The following PDE9A variants were observed in gnomAD, a reference collection of about 807,000 sequenced individuals.
PDE9A encodes the protein phosphodiesterase 9A.
A neutral mutation model predicts 87.4 loss-of-function variants in PDE9A; 60 were observed. That is an observed-to-expected ratio of 0.69 (90% CI 0.56 to 0.85). The LOEUF (loss-of-function observed/expected upper bound fraction) is 0.85, where lower values mean the gene tolerates loss of function less well. Ranked by LOEUF, PDE9A falls within the 40% of genes least tolerant of loss-of-function variation. The pLI is 0.00. For missense variants in PDE9A, 665 were observed against 779.0 expected (o/e 0.85, Z 1.74); for synonymous variants, 272 against 279.4 (o/e 0.97, Z 0.27).
At chr21:42,734,972 G>A (rs1049117801) in intron 7 of PDE9A, among the ~76,000 whole-genome samples, 1 of 152,190 alleles carries the variant, frequency 6.6e-6, no homozygotes, top group Non-Finnish European at 1.5e-5. Flanking sequence ...CACTCCATGA[G>A]GATTCCTTGA....
chr21:42,672,829 G>T (rs1271786427), intron 1 of PDE9A, among the ~76,000 whole-genome samples: 1 of 152,210 alleles, frequency 6.6e-6, no homozygotes, highest in Non-Finnish European at 1.5e-5. Context: ...TCAATGCGGG[G>T]CTCCGTAGGT....
intron 10 of PDE9A, chr21:42,757,832 C>T (rs2055241031): frequency 6.6e-6 from 1 of 152,260 alleles, no homozygotes; most frequent in Non-Finnish European, 1.5e-5. Context: ...GGACCAAGGC[C>T]TCACCCTGAC....
intron 6 of PDE9A, 89 bp from the exon 7 acceptor site, chr21:42,733,267 C>A: frequency 1.3e-6 from 1 of 766,186 alleles, no homozygotes; most frequent in Non-Finnish European, 2.3e-6. Flanking sequence ...ATGCCCACAG[C>A]AGGGACTCAG....
rs1431133422 is a variant in PDE9A, at chr21:42,769,406, CGGCACACACA to C, written c.1590+261_1590+270del. 5.0e-3 allele frequency among the ~76,000 whole-genome samples: 721 copies of C among 145,366 alleles called. 6 individuals are homozygous for C. Among genetic ancestry groups the C allele is most frequent in the African/African-American group, 0.018 (699 of 39,048 alleles). On this transcript the variant is annotated intron_variant, in intron 17 of 19. Transcript: ENST00000291539. ...ACACAGGCACACAAATGCACACACA[CGGCACACACA>C]GGCACACACTCGTGCACACACATGT...
rs1048947062 is a variant in PDE9A, at chr21:42,702,161, CT to C, written c.262+3157del. On this transcript the variant is annotated intron_variant, in intron 4 of 19. Transcript: ENST00000291539. The surrounding 1 kb of genome is among the most constrained non-coding windows in gnomAD (Gnocchi z 4.9). Reference sequence around the variant, plus strand: ...TCACACTGTTTCTTTCTTTCCAGACCTTTTTTTCTGTTTGCTTTATTTTTCT... The same window carrying C: ...TCACACTGTTTCTTTCTTTCCAGACCTTTTTTCTGTTTGCTTTATTTTTCT... 6.6e-6 allele frequency among the ~76,000 whole-genome samples: 1 copy of C among 151,944 alleles called. No individual in the cohort carries two copies. The highest frequency in any genetic ancestry group is 2.4e-5 in the African/African-American group (1 of 41,390).
At chr21:42,768,396 C>T (rs754115133) in intron 16 of PDE9A, 104 bp downstream of exon 16, 100 of 1,005,378 alleles carry the variant, frequency 9.9e-5, no homozygotes, top group African/African-American at 3.1e-4. Flanking sequence ...GCATATTCCC[C>T]GGGCTGCCGA....
intron 17 of PDE9A, among the ~76,000 whole-genome samples, chr21:42,769,410 A>G (rs374217201): frequency 6.1e-5 from 3 of 48,982 alleles, no homozygotes; most frequent in South Asian, 8.8e-4. Flanking sequence ...CACACACGGC[A>G]CACACAGGCA....
Position 42,696,763 on chromosome 21 carries a change from T to C in PDE9A, c.219-2205T>C, listed in dbSNP as rs1464264282. On this transcript the variant is annotated intron_variant, in intron 3 of 19. Transcript: ENST00000291539. This position sits in a 1 kb window ranked among gnomAD's most constrained non-coding sequence, Gnocchi z 5.1. ...CCTGGCCTCTTCACGCCTTGGGCTC[T>C]GGGTCTGTAAGGCAGTGAGGCTGAG... is the stretch of plus-strand genomic sequence containing the variant. Among the ~76,000 whole-genome samples, 1 of 152,164 alleles carries C rather than the reference T, an allele frequency of 6.6e-6. No individual in the cohort carries two copies. Among genetic ancestry groups the C allele is most frequent in the Non-Finnish European group, 1.5e-5 (1 of 68,012 alleles).
intron 9 of PDE9A, among the ~76,000 whole-genome samples, chr21:42,752,163 C>T (rs866879107): frequency 4.6e-5 from 7 of 152,304 alleles, no homozygotes; most frequent in Middle Eastern, 3.4e-3. Context: ...GATGGCAGAG[C>T]CTTCCACAGC....
At position 42,773,755 on chromosome 21, in the gene PDE9A, C is replaced by T. The variant is rs868238698; in HGVS notation, c.1768+1235C>T. ...GGCGGAGATTGCCGTGAGCCAAGAT[C>T]GCGCCACTGCACTCCAGCCTGGGCA... On this transcript the variant is annotated intron_variant, in intron 19 of 19. Transcript: ENST00000291539. Among the ~76,000 whole-genome samples, 34 of 143,488 alleles carry T rather than the reference C, an allele frequency of 2.4e-4. 1 individual carries two copies. The highest frequency in any genetic ancestry group is 7.3e-4 in the African/African-American group (30 of 41,000). The allele number at this position is 143,488 out of a possible 152,430, so 94.1% of individuals were successfully genotyped here.
Position 42,758,874 on chromosome 21 carries a change from G to C in PDE9A, c.811-125G>C, listed in dbSNP as rs547199399. On this transcript the variant is annotated intron_variant, in intron 10 of 19. Coordinates refer to ENST00000291539, the MANE Select transcript of PDE9A (RefSeq NM_002606.3). ...TTTGCTCTCCAGGGACTTTCTGGGA[G>C]GGGGAGAACCCACCTCCTGCCAACG... 1.7e-5 allele frequency: 11 copies of C among 660,034 alleles called. No homozygotes were observed. The African/African-American group carries it at 1.8e-4, about 11-fold the overall frequency. 40.9% of individuals were successfully genotyped at this position (660,034 alleles called of 1,614,324 possible).
chr21:42,700,813 A>G (rs2048327011), intron 4 of PDE9A: 1 of 152,204 alleles, frequency 6.6e-6, no homozygotes, highest in African/African-American at 2.4e-5. Context: ...TGGACTCCAG[A>G]TCCTGTCGTG....
intron 2 of PDE9A, 92 bp from the exon 3 acceptor site, chr21:42,687,825 G>A: frequency 9.0e-7 from 1 of 1,110,704 alleles, no homozygotes. Context: ...GACTGTCCTG[G>A]TTGTCTCAGG....
chr21:42,768,883 T>G, intron 16 of PDE9A, 144 bp from the exon 17 acceptor site: 2 of 1,476,102 alleles, frequency 1.4e-6, no homozygotes, highest in Non-Finnish European at 1.8e-6. Flanking sequence ...AGGGTCACCT[T>G]CTCCTTGTTC....
intron 1 of PDE9A, among the ~76,000 whole-genome samples, chr21:42,669,679 C>T (rs537360427): frequency 6.6e-6 from 1 of 152,180 alleles, no homozygotes; most frequent in African/African-American, 2.4e-5. Context: ...TGTATGTTCT[C>T]GGGCCTCAGT....
In PDE9A at chr21:42,746,044, T is replaced by C. The variant is rs114800408; in HGVS notation, c.653+2184T>C. Among the ~76,000 whole-genome samples, 890 of 152,210 alleles carry C rather than the reference T, an allele frequency of 5.8e-3. 11 individuals are homozygous for C. The highest frequency in any genetic ancestry group is 0.02 in the African/African-American group (839 of 41,568). On this transcript the variant is annotated intron_variant, in intron 8 of 19. Transcript: ENST00000291539. ...GGTGTTTGTAGGATGCAGCCTCTTA[T>C]CCCTTAAACGACTGCATTTACCGCC...
At chr21:42,677,935 G>T (rs2146060681) in intron 1 of PDE9A, among the ~76,000 whole-genome samples, 1 of 152,330 alleles carries the variant, frequency 6.6e-6, no homozygotes, top group East Asian at 1.9e-4. Context: ...GAGCCACTGA[G>T]CCCAGCCTAG....
chr21:42,685,649 G>A (rs1301234117), intron 1 of PDE9A, among the ~76,000 whole-genome samples: 3 of 151,218 alleles, frequency 2.0e-5, no homozygotes, highest in African/African-American at 7.3e-5. Flanking sequence ...TGTATTTTTA[G>A]TAGAGACGGG....
rs766486308 is a variant in PDE9A, at chr21:42,770,717, TGAG to T, written c.1609_1611del (p.Glu537del). On this transcript the variant is annotated inframe_deletion, in exon 18 of 20. Transcript: ENST00000291539. Reference sequence around the variant, plus strand: ...GTCTCTCCCAGCTCTTCCCCATGGTTGAGGAGATCATGCTGCAGCCACTTTGGG... The same window carrying T: ...GTCTCTCCCAGCTCTTCCCCATGGTTGAGATCATGCTGCAGCCACTTTGGG... The T allele has an allele frequency of 1.1e-5, 17 of 1,613,374 alleles. No homozygotes were observed. Among genetic ancestry groups the T allele is most frequent in the Middle Eastern group, 3.3e-4 (2 of 6,084 alleles).
Sources: gnomAD v4.1 joint callset for allele counts (sites outside exome capture counted in the v4.1 genomes callset) on GRCh38, gnomAD v4.1.1 for gene constraint, Gnocchi (gnomAD v3.1) non-coding constraint, MANE v1.5 for transcripts, NCBI Gene and HGNC (gene_info 2026-07-23, HGNC 2026-07-21) for gene names.